The following SLC2A14 variants were observed in gnomAD, a reference collection of about 807,000 sequenced individuals.
SLC2A14 encodes solute carrier family 2, facilitated glucose transporter member 14.
In SLC2A14, 13 loss-of-function variants were observed where a neutral mutation model predicts 43.0. The observed-to-expected ratio is 0.30, with a 90% CI of 0.20 to 0.48. SLC2A14 has a LOEUF of 0.48. Among genes scored for constraint, SLC2A14 ranks in the 20% least tolerant of loss-of-function variants. The pLI is 0.99. For missense variants in SLC2A14, 428 were observed against 620.4 expected (o/e 0.69, Z 3.29); for synonymous variants, 190 against 233.8 (o/e 0.81, Z 1.71).
At chr12:7,833,022 T>G (rs1475209227) in intron 2 of SLC2A14, among the ~76,000 whole-genome samples, 2 of 152,118 alleles carry the variant, frequency 1.3e-5, no homozygotes. Flanking sequence ...GAATGTGAAG[T>G]TAACTTGGTA....
chr12:7,863,350 T>C (rs1944709002), intron 2 of SLC2A14: 1 of 452,736 alleles, frequency 2.2e-6, no homozygotes, highest in Admixed American at 2.4e-5. Context: ...CGCACCACTT[T>C]AAGGGCTGTA....
At chr12:7,842,898 T>A (rs1866097246) in intron 2 of SLC2A14, among the ~76,000 whole-genome samples, 1 of 151,978 alleles carries the variant, frequency 6.6e-6, no homozygotes, top group Non-Finnish European at 1.5e-5. Context: ...CCAGCTAATT[T>A]TATATTTTTA....
intron 2 of SLC2A14, among the ~76,000 whole-genome samples, chr12:7,836,758 C>T (rs1865495179): frequency 6.6e-6 from 1 of 151,974 alleles, no homozygotes; most frequent in Admixed American, 6.6e-5. Context: ...ATCACTTGAA[C>T]CCGGGAGGCG....
intron 2 of SLC2A14, among the ~76,000 whole-genome samples, 153 bp from the exon 3 acceptor site, chr12:7,832,967 GAAGACA>G (rs1865159115): frequency 6.6e-6 from 1 of 152,222 alleles, no homozygotes; most frequent in Admixed American, 6.5e-5. Flanking sequence ...AATTAATCGG[GAAGACA>G]AAGTAATAGA....
chr12:7,823,475 C>A (rs187964491), intron 7 of SLC2A14, among the ~76,000 whole-genome samples: 129 of 152,182 alleles, frequency 8.5e-4, no homozygotes, highest in Non-Finnish European at 1.5e-3. Context: ...CTAATCCCAG[C>A]AATTTGGGAG....
chr12:7,858,472 T>A (rs2120976590), intron 2 of SLC2A14, among the ~76,000 whole-genome samples: 1 of 152,248 alleles, frequency 6.6e-6, no homozygotes, highest in Admixed American at 6.5e-5. Flanking sequence ...TTCTTGGGTA[T>A]CCTTTGAAAC....
intron 7 of SLC2A14, among the ~76,000 whole-genome samples, chr12:7,823,538 T>C (rs1592155877): frequency 6.6e-6 from 1 of 151,644 alleles, no homozygotes; most frequent in African/African-American, 2.4e-5. Context: ...CCTGACAACA[T>C]GGAGAAACCC....
chr12:7,828,780 A>G lies in SLC2A14; in HGVS notation c.600T>C (p.Ser200=). 1.2e-6 allele frequency: 2 copies of G among 1,614,192 alleles called. No homozygotes were observed. The highest frequency in any genetic ancestry group is 1.1e-5 in the South Asian group (1 of 91,080). Residue 200 remains serine (S), a synonymous_variant, in exon 6 of 11, where the codon AGT becomes AGC. Transcript: ENST00000431042. ...TTTCAGGGCAACATGGAAGGGCTGC[A>G]CTTTGCAGGATAGCTGGAAGGATGG... The part of the protein sequence containing the change: ...GFTILPAILQ[S]AALPCCPESP...
At chr12:7,873,281 A>C, upstream of SLC2A14, 1 of 985,578 alleles carries the variant, frequency 1.0e-6, no homozygotes, top group South Asian at 4.7e-5. Context: ...CAGCAGGGAG[A>C]TAGTGCCCGG....
chr12:7,814,123 G>A lies in SLC2A14; in HGVS notation c.*193C>T, dbSNP rs1398020704. ...TCTCCTAAGCAGAAGAGGATGTCCA[G>A]GAAATAAAATTTAAAAAGCCATTGA... is the stretch of plus-strand genomic sequence containing the variant. On this transcript the variant is annotated 3_prime_UTR_variant, in exon 11 of 11. Coordinates refer to ENST00000431042, the MANE Select transcript of SLC2A14 (RefSeq NM_001286234.2). The A allele has an allele frequency of 5.4e-6, 5 of 923,192 alleles. No homozygotes were observed. The highest frequency in any genetic ancestry group is 7.9e-6 in the Non-Finnish European group (5 of 630,580). The allele number at this position is 923,192 out of a possible 1,614,324, so 57.2% of individuals were successfully genotyped here.
upstream of SLC2A14, chr12:7,873,311 C>T (rs776502950): frequency 2.0e-6 from 2 of 985,176 alleles, no homozygotes; most frequent in Non-Finnish European, 2.4e-6. Flanking sequence ...GCGGGCGGGC[C>T]GGCTGGGCTG....
intron 2 of SLC2A14, among the ~76,000 whole-genome samples, chr12:7,843,227 C>G (rs768000117): frequency 2.0e-5 from 3 of 150,326 alleles, no homozygotes; most frequent in Admixed American, 1.3e-4. Context: ...GGAAGGCTGA[C>G]GGTGAATGAA....
intron 2 of SLC2A14, among the ~76,000 whole-genome samples, chr12:7,864,537 A>G (rs2121022445): frequency 6.6e-6 from 1 of 152,056 alleles, no homozygotes; most frequent in Non-Finnish European, 1.5e-5. Flanking sequence ...ACGGGGTTTC[A>G]CCATGTTAGC....
At chr12:7,856,182 G>C (rs1311104672) in intron 2 of SLC2A14, 1 of 152,150 alleles carries the variant, frequency 6.6e-6, no homozygotes, top group African/African-American at 2.4e-5. Flanking sequence ...CAGTCGTAGT[G>C]GTGCGTGCCT....
intron 2 of SLC2A14, among the ~76,000 whole-genome samples, chr12:7,865,341 T>G (rs771127721): frequency 6.6e-6 from 1 of 151,942 alleles, no homozygotes; most frequent in Admixed American, 6.6e-5. Context: ...ATCGAGACCA[T>G]CCTGGCTAAC....
chr12:7,875,614 G>C (rs776916125), upstream of SLC2A14, among the ~76,000 whole-genome samples: 2 of 152,028 alleles, frequency 1.3e-5, no homozygotes, highest in Non-Finnish European at 1.5e-5. Flanking sequence ...TTAGGGTATA[G>C]AGCCTTTGGA....
At chr12:7,884,139 G>T (rs1018061448) in intron 1 of SLC2A14, among the ~76,000 whole-genome samples, 2 of 150,574 alleles carry the variant, frequency 1.3e-5, no homozygotes, top group Admixed American at 1.3e-4. Context: ...TAGCCAGGAT[G>T]GTCTTGATCT....
chr12:7,863,287 C>T (rs1435379196), intron 2 of SLC2A14: 1 of 427,114 alleles, frequency 2.3e-6, no homozygotes, highest in Non-Finnish European at 4.7e-6. Flanking sequence ...ACGAACCCAC[C>T]AGAAGGAAAA....
intron 7 of SLC2A14, among the ~76,000 whole-genome samples, chr12:7,825,615 T>C (rs750868533): frequency 6.7e-6 from 1 of 150,244 alleles, no homozygotes; most frequent in Non-Finnish European, 1.5e-5. Flanking sequence ...TGCAAAAAAT[T>C]AGCTGGGCAT....
Sources: allele counts gnomAD v4.1 joint callset (sites outside exome capture counted in the v4.1 genomes callset), GRCh38; gene constraint gnomAD v4.1.1; transcripts MANE v1.5; gene names NCBI Gene and HGNC (gene_info 2026-07-23, HGNC 2026-07-21).